The following GNL3 variants were observed in gnomAD, a reference collection of about 807,000 sequenced individuals.
GNL3 encodes guanine nucleotide-binding protein-like 3.
GNL3 carries 77 observed loss-of-function variants against 70.6 expected under a neutral mutation model. The observed-to-expected ratio is 1.09, with a 90% CI of 0.91 to 1.32. The LOEUF (loss-of-function observed/expected upper bound fraction) is 1.32. Among genes scored for constraint, GNL3 ranks in the 40% most tolerant of loss-of-function variants. The pLI is 0.00. For missense variants in GNL3, 634 were observed against 644.0 expected (o/e 0.98, Z 0.17); for synonymous variants, 252 against 216.1 (o/e 1.17, Z -1.46).
At chr3:52,687,708 C>T (rs1168707866) in intron 4 of GNL3, 93 bp downstream of exon 4, 5 of 728,924 alleles carry the variant, frequency 6.9e-6, no homozygotes, top group Non-Finnish European at 7.1e-6. Flanking sequence ...TCACAACTCA[C>T]TGCAACCTGG....
rs185125160 is a variant in GNL3, at chr3:52,693,451, C to A, written c.1231C>A (p.Pro411Thr). Residue 411 changes from proline (P) to threonine (T), a missense_variant, in exon 12 of 15, where the codon CCT (proline) becomes ACT (threonine). Physicochemically the swap from Pro to Thr is conservative, Grantham distance 38. Coordinates refer to ENST00000418458, the MANE Select transcript of GNL3 (RefSeq NM_014366.5). ...TTGCCATCCCCCTACATCTTGGACT[C>A]CTCCTCCATATTTTAATGAGAGTAT... ...YYCHPPTSWT[P>T]PPYFNESIVV... is the part of the protein sequence containing the mutation. 3,232 of 1,613,408 alleles carry A rather than the reference C, an allele frequency of 2.0e-3. 46 individuals carry two copies. The highest frequency in any genetic ancestry group is 3.8e-3 in the East Asian group (171 of 44,838).
chr3:52,693,328 G>C lies in GNL3; in HGVS notation c.1186G>C (p.Gly396Arg), dbSNP rs1187605870. 1.2e-6 allele frequency: 2 copies of C among 1,613,706 alleles called. No homozygotes were observed. The highest frequency in any genetic ancestry group is 1.7e-5 in the Admixed American group (1 of 59,888). The change falls in exon 11 of 15, where the codon GGT becomes CGT. Residue 396 changes from glycine to arginine, a missense_variant and splice_region_variant. Coordinates refer to ENST00000418458, the MANE Select transcript of GNL3 (RefSeq NM_014366.5). ...CAAACTGCTGTGGTCTGAGTGGACAGGGTAAGCTTTCTTTTCTGTTGGCAT... is the reference window on the plus strand; with the variant it reads ...CAAACTGCTGTGGTCTGAGTGGACACGGTAAGCTTTCTTTTCTGTTGGCAT... ...AAKLLWSEWTGASLAYYCHPP... is the reference protein window; with the variant it reads ...AAKLLWSEWTRASLAYYCHPP...
chr3:52,689,505 A>G (rs562529099), intron 6 of GNL3, among the ~76,000 whole-genome samples: 31 of 152,328 alleles, frequency 2.0e-4, no homozygotes, highest in East Asian at 1.3e-3. Flanking sequence ...CAGTGTGACA[A>G]ATTCCCCACA....
In GNL3 at chr3:52,689,264, G is replaced by C. The variant is rs746605007; in HGVS notation, c.541+58G>C. 3 of 1,458,764 alleles carry C rather than the reference G, an allele frequency of 2.1e-6. No individual in the cohort carries two copies. The African/African-American group carries it at 4.2e-5, about 20-fold the overall frequency. 90.4% of individuals were successfully genotyped at this position (1,458,764 alleles called of 1,614,324 possible). Reference sequence around the variant, plus strand: ...TACATGGGTGAGGTACGAGGAAACAGTCTGATAGTCACTGAAGACTGATTA... The same window carrying C: ...TACATGGGTGAGGTACGAGGAAACACTCTGATAGTCACTGAAGACTGATTA... On this transcript the variant is annotated intron_variant, in intron 6 of 14. Coordinates refer to ENST00000418458, the MANE Select transcript of GNL3 (RefSeq NM_014366.5).
chr3:52,690,795 AATT>A, intron 7 of GNL3, 91 bp downstream of exon 7: 1 of 1,153,172 alleles, frequency 8.7e-7, no homozygotes. Flanking sequence ...GTGAATGAAA[AATT>A]ACAAGATCCA....
At chr3:52,691,402 T>G in intron 8 of GNL3, 140 bp from the exon 9 acceptor site, 1 of 663,102 alleles carries the variant, frequency 1.5e-6, no homozygotes, top group African/African-American at 1.8e-5. Flanking sequence ...CTAAAATTGG[T>G]CTTAGTATTG....
intron 9 of GNL3, 51 bp downstream of exon 9, chr3:52,691,680 T>TACAAGGTAAATGGAGGTGTCCATAA: frequency 1.9e-6 from 2 of 1,040,562 alleles, no homozygotes; most frequent in Non-Finnish European, 3.0e-6. Context: ...ACTATTTTAT[T>TACAAGGTAAATGGAGGTGTCCATAA]TTGGTTATCT....
rs1326822783 is a variant in GNL3 at position 52,694,244 on chromosome 3, A to T, written c.1619A>T (p.Asp540Val). 3 of 1,585,312 alleles carry T rather than the reference A, an allele frequency of 1.9e-6. No individual in the cohort carries two copies. The South Asian group carries it at 3.3e-5, about 18-fold the overall frequency. The change falls in exon 15 of 15, where the codon GAT becomes GTT. Residue 540 changes from aspartate to valine, a missense_variant. Transcript: ENST00000418458. ...FILDKIIEEDDAYDFSTDYV is the reference protein window; with the variant it reads ...FILDKIIEEDVAYDFSTDYV Reference sequence around the variant, plus strand: ...TTGGATAAAATCATTGAAGAGGATGATGCTTATGACTTCAGTACAGATTAT... The same window carrying T: ...TTGGATAAAATCATTGAAGAGGATGTTGCTTATGACTTCAGTACAGATTAT...
chr3:52,689,808 C>G (rs570090344), intron 6 of GNL3, among the ~76,000 whole-genome samples: 1 of 152,050 alleles, frequency 6.6e-6, no homozygotes, highest in African/African-American at 2.4e-5. Flanking sequence ...AAATATTAGC[C>G]GGGCATGATG....
intron 6 of GNL3, among the ~76,000 whole-genome samples, chr3:52,690,082 A>T (rs575640057): frequency 6.6e-6 from 1 of 152,238 alleles, no homozygotes; most frequent in Non-Finnish European, 1.5e-5. Flanking sequence ...ATTGAAATAG[A>T]GAAGTGCAGA....
chr3:52,690,187 A>G (rs540753978), intron 6 of GNL3, among the ~76,000 whole-genome samples: 1 of 152,348 alleles, frequency 6.6e-6, no homozygotes, highest in Admixed American at 6.5e-5. Flanking sequence ...GGGAAAATGT[A>G]AACCAGAGTA....
chr3:52,686,006 A>C (rs1281703633), upstream of GNL3: 5 of 788,230 alleles, frequency 6.3e-6, no homozygotes, highest in Admixed American at 1.7e-5. Flanking sequence ...CGGCAGCGTA[A>C]GTGCGTGACG....
intron 4 of GNL3, 139 bp from the exon 5 acceptor site, chr3:52,687,970 G>C: frequency 1.5e-6 from 1 of 668,754 alleles, no homozygotes; most frequent in East Asian, 2.5e-5. Flanking sequence ...TGAGCTTCTT[G>C]GGAGGAAGAC....
At chr3:52,688,313 C>T (rs1051378755) in intron 5 of GNL3, 121 bp downstream of exon 5, 24 of 638,172 alleles carry the variant, frequency 3.8e-5, no homozygotes, top group Middle Eastern at 7.3e-4. Flanking sequence ...GGTAAACTTG[C>T]GTCATAGGGG....
intron 13 of GNL3, 33 bp from the exon 14 acceptor site, chr3:52,694,004 A>G (rs773350553): frequency 3.2e-6 from 5 of 1,564,586 alleles, no homozygotes; most frequent in Middle Eastern, 1.7e-4. Context: ...GACAAGGGCT[A>G]CTAATCCAGC....
chr3:52,688,336 A>T, intron 5 of GNL3, 144 bp downstream of exon 5: 1 of 576,092 alleles, frequency 1.7e-6, no homozygotes, highest in Non-Finnish European at 3.1e-6. Flanking sequence ...TGCTGTACAG[A>T]TTATTTCATC....
intron 9 of GNL3, 47 bp from the exon 10 acceptor site, chr3:52,692,825 C>G (rs2097328647): frequency 2.7e-6 from 4 of 1,485,816 alleles, no homozygotes; most frequent in Non-Finnish European, 3.7e-6. Context: ...GTCTCTTAAC[C>G]TCCAAATAGA....
At position 52,693,419 on chromosome 3, in the gene GNL3, C is replaced by CT; in HGVS notation, c.1201dup (p.Tyr401LeufsTer16). On this transcript the variant is annotated frameshift_variant, in exon 12 of 15. Coordinates refer to ENST00000418458, the MANE Select transcript of GNL3 (RefSeq NM_014366.5). LOFTEE classifies it high-confidence loss of function. ...ATTTTTAATATCAGTGCCTCATTAGCTTACTATTGCCATCCCCCTACATCT... is the reference window on the plus strand; with the variant it reads ...ATTTTTAATATCAGTGCCTCATTAGCTTTACTATTGCCATCCCCCTACATCT... The CT allele has an allele frequency of 6.2e-7, 1 of 1,614,046 alleles. No individual in the cohort carries two copies. Among genetic ancestry groups the CT allele is most frequent in the Non-Finnish European group, 8.5e-7 (1 of 1,179,924 alleles).
rs774955184 is a variant in GNL3 at position 52,686,083 on chromosome 3, T to TA, written c.-9dup. ...AGGTTGATGTGTTTGTGCTTCCTTCTACAGCCAATATGAAAAGGCCTAGTA... is the reference window on the plus strand; with the variant it reads ...AGGTTGATGTGTTTGTGCTTCCTTCTAACAGCCAATATGAAAAGGCCTAGTA... On this transcript the variant is annotated 5_prime_UTR_variant, in exon 1 of 15. Coordinates refer to ENST00000418458, the MANE Select transcript of GNL3 (RefSeq NM_014366.5). 4 of 1,322,266 alleles carry TA rather than the reference T, an allele frequency of 3.0e-6. No individual in the cohort carries two copies. In the South Asian group the frequency reaches 4.7e-5, roughly 16 times the overall value. The allele number at this position is 1,322,266 out of a possible 1,614,324, so 81.9% of individuals were successfully genotyped here.
Sources: gnomAD v4.1 joint callset for allele counts (sites outside exome capture counted in the v4.1 genomes callset) on GRCh38, gnomAD v4.1.1 for gene constraint, MANE v1.5 for transcripts, NCBI Gene and HGNC (gene_info 2026-07-23, HGNC 2026-07-21) for gene names.